Variants in MECOM observed in about 807,000 individuals in gnomAD.
MECOM encodes MDS1 and EVI1 complex locus, also known as histone-lysine N-methyltransferase MECOM.
Under a neutral mutation model 116.3 loss-of-function variants are expected in MECOM, and 13 were observed. The observed-to-expected ratio is 0.11, with a 90% CI of 0.07 to 0.18. MECOM has a LOEUF of 0.18. MECOM is among the 10% of genes least tolerant of loss of function. The pLI, the probability that MECOM is intolerant of heterozygous loss-of-function variation, is 1.00. For synonymous variants in MECOM, 528 were observed against 535.2 expected (o/e 0.99, Z 0.19); for missense variants, 1,299 against 1,509.0 (o/e 0.86, Z 2.31).
At chr3:169,353,542 C>A (rs928399643) in intron 2 of MECOM, among the ~76,000 whole-genome samples, 2 of 151,684 alleles carry the variant, frequency 1.3e-5, no homozygotes, top group African/African-American at 4.8e-5. Flanking sequence ...TCCAAGTTAA[C>A]CCTAAATAAG....
chr3:169,540,702 CCACA>C (rs1759958964), intron 1 of MECOM, among the ~76,000 whole-genome samples: 2 of 152,108 alleles, frequency 1.3e-5, no homozygotes, highest in South Asian at 2.1e-4. Context: ...TGCAATATAC[CCACA>C]CATTTGGCCT....
intron 1 of MECOM, among the ~76,000 whole-genome samples, chr3:169,445,899 A>G (rs947587234): frequency 6.6e-6 from 1 of 152,104 alleles, no homozygotes; most frequent in South Asian, 2.1e-4. Flanking sequence ...ACCCCACTGG[A>G]TTTTGGACTT....
intron 1 of MECOM, among the ~76,000 whole-genome samples, chr3:169,627,229 C>T (rs975697748): frequency 2.6e-5 from 4 of 152,136 alleles, no homozygotes; most frequent in African/African-American, 4.8e-5. Context: ...GGCACTATGT[C>T]GTGAGGTTTG....
At chr3:169,263,079 A>C (rs183681779) in intron 2 of MECOM, among the ~76,000 whole-genome samples, 918 of 2,762 alleles carry the variant, frequency 0.33, 37 homozygotes, top group Middle Eastern at 0.5. Flanking sequence ...TCAAGATGCT[A>C]TATATATATA....
At chr3:169,327,619 C>T (rs1391200923) in intron 2 of MECOM, among the ~76,000 whole-genome samples, 5 of 133,668 alleles carry the variant, frequency 3.7e-5, no homozygotes, top group African/African-American at 5.7e-5. Context: ...GCAATGGTGA[C>T]GCAGAGTGAG....
intron 9 of MECOM, 148 bp downstream of exon 9, chr3:169,112,639 T>C: frequency 1.5e-6 from 1 of 651,740 alleles, no homozygotes. Flanking sequence ...AGTTTGGGTT[T>C]TAATTCTGCT....
intron 2 of MECOM, among the ~76,000 whole-genome samples, chr3:169,202,759 C>A (rs1190425553): frequency 6.7e-6 from 1 of 148,612 alleles, no homozygotes; most frequent in Non-Finnish European, 1.5e-5. Context: ...TTTCACCCAA[C>A]TCTTGCTCCC....
At chr3:169,457,086 G>T (rs1018310837) in intron 1 of MECOM, among the ~76,000 whole-genome samples, 3 of 152,076 alleles carry the variant, frequency 2.0e-5, no homozygotes, top group Non-Finnish European at 4.4e-5. Context: ...CAACCTCATC[G>T]TTCTCCAGCT....
At chr3:169,160,510 T>A (rs1367501769) in intron 2 of MECOM, among the ~76,000 whole-genome samples, 1 of 148,600 alleles carries the variant, frequency 6.7e-6, no homozygotes, top group Non-Finnish European at 1.5e-5. Context: ...TGTACAATAA[T>A]ATATTGTATA....
intron 1 of MECOM, among the ~76,000 whole-genome samples, chr3:169,580,990 C>G (rs1765063366): frequency 6.6e-6 from 1 of 152,164 alleles, no homozygotes; most frequent in Non-Finnish European, 1.5e-5. Flanking sequence ...TTTCAAGTCT[C>G]CTAGGAACCC....
chr3:169,440,483 T>C (rs1031085531), intron 1 of MECOM, among the ~76,000 whole-genome samples: 2 of 135,356 alleles, frequency 1.5e-5, no homozygotes, highest in African/African-American at 5.7e-5. Flanking sequence ...AGAAACCCAA[T>C]GAGCAAGGGA....
At chr3:169,446,858 C>T (rs536773973) in intron 1 of MECOM, among the ~76,000 whole-genome samples, 56 of 152,300 alleles carry the variant, frequency 3.7e-4, no homozygotes, top group African/African-American at 1.3e-3. Context: ...TGCCCTCATC[C>T]CTATCAGGAT....
intron 2 of MECOM, among the ~76,000 whole-genome samples, chr3:169,191,772 AAGAAAGAAAG>A (rs1559974022): frequency 6.3e-4 from 86 of 135,584 alleles, no homozygotes; most frequent in African/African-American, 2.2e-3. Context: ...GAAAGAAAGA[AAGAAAGAAAG>A]AAAGAAAGAA....
At chr3:169,526,501 G>T (rs566523101) in intron 1 of MECOM, among the ~76,000 whole-genome samples, 22 of 152,224 alleles carry the variant, frequency 1.4e-4, no homozygotes, top group African/African-American at 5.3e-4. Context: ...AATAAATGAG[G>T]ATCAAAATTT....
chr3:169,507,747 C>T (rs1374440380), intron 1 of MECOM, among the ~76,000 whole-genome samples: 4 of 146,216 alleles, frequency 2.7e-5, no homozygotes, highest in Admixed American at 2.1e-4. Context: ...CTGCAAGCTC[C>T]GCCTCCCGGG....
At chr3:169,379,108 T>C (rs999785977) in intron 2 of MECOM, among the ~76,000 whole-genome samples, 3 of 151,114 alleles carry the variant, frequency 2.0e-5, no homozygotes, top group Admixed American at 6.6e-5. Flanking sequence ...TTTGAGAAAG[T>C]GCCCTTGCTA....
chr3:169,239,870 C>T (rs1417179130), intron 2 of MECOM, among the ~76,000 whole-genome samples: 4 of 151,988 alleles, frequency 2.6e-5, no homozygotes, highest in Non-Finnish European at 5.9e-5. Flanking sequence ...ATAACAAAGC[C>T]CAGACTTAAA....
chr3:169,497,503 G>A (rs907372831), intron 1 of MECOM, among the ~76,000 whole-genome samples: 1 of 151,956 alleles, frequency 6.6e-6, no homozygotes, highest in Non-Finnish European at 1.5e-5. Context: ...CTGCCACCAG[G>A]CCCGGCTAAT....
intron 1 of MECOM, among the ~76,000 whole-genome samples, chr3:169,637,497 A>C (rs1423095277): frequency 6.6e-6 from 1 of 152,230 alleles, no homozygotes; most frequent in Non-Finnish European, 1.5e-5. Context: ...CCAGGAACTT[A>C]CAGCCAAGTT....
Sources: allele counts gnomAD v4.1 joint callset (sites outside exome capture counted in the v4.1 genomes callset), GRCh38; gene constraint gnomAD v4.1.1; transcripts MANE v1.5; gene names NCBI Gene and HGNC (gene_info 2026-07-23, HGNC 2026-07-21).